The following DCC variants were observed in gnomAD, a reference collection of about 807,000 sequenced individuals.
The protein encoded by DCC is DCC netrin 1 receptor, also known as netrin receptor DCC.
A neutral mutation model predicts 172.5 loss-of-function variants in DCC; 58 were observed. That is an observed-to-expected ratio of 0.34 (90% confidence interval 0.27 to 0.42). DCC has a LOEUF of 0.42. DCC is among the 10% of genes least tolerant of loss of function. The pLI, the probability that DCC is intolerant of heterozygous loss-of-function variation, is 1.00. For missense variants in DCC, 1,740 were observed against 1,791.0 expected, an observed-to-expected ratio of 0.97 and a Z score of 0.51; for synonymous variants, 709 against 644.5, an observed-to-expected ratio of 1.10 and a Z score of -1.52.
chr18:52,821,843 TG>T (rs1422946719), intron 2 of DCC, among the ~76,000 whole-genome samples: 1 of 152,228 alleles, frequency 6.6e-6, no homozygotes, highest in Non-Finnish European at 1.5e-5. Context: ...AAACAGTACT[TG>T]GCATTGACTA....
chr18:53,469,187 A>G (rs529907128), intron 25 of DCC, among the ~76,000 whole-genome samples: 1 of 152,182 alleles, frequency 6.6e-6, no homozygotes. Flanking sequence ...ATAGTCACTT[A>G]TTATCTTCAG....
At chr18:52,845,020 T>C (rs1353709916) in intron 2 of DCC, among the ~76,000 whole-genome samples, 3 of 152,226 alleles carry the variant, frequency 2.0e-5, no homozygotes, top group Non-Finnish European at 2.9e-5. Context: ...CAAAGACCTG[T>C]CCAAGAGGTA....
At chr18:52,683,129 AATT>A (rs539829856) in intron 1 of DCC, among the ~76,000 whole-genome samples, 283 of 152,178 alleles carry the variant, frequency 1.9e-3, no homozygotes, top group African/African-American at 6.5e-3. Context: ...TTTTGAAAAA[AATT>A]CTGAACTAGG....
intron 1 of DCC, among the ~76,000 whole-genome samples, chr18:52,683,403 T>C (rs2035780359): frequency 6.6e-6 from 1 of 152,088 alleles, no homozygotes; most frequent in African/African-American, 2.4e-5. Context: ...TCTTTATTCT[T>C]CTAAATTTCT....
rs78071392 is a variant in DCC, at chr18:53,132,436, G to T, written c.1262-24920G>T. ...CATTTCATCTAGAAAGACATGGGGA[G>T]GGATGCTGATCCACGCTTAAGTCCT... On this transcript the variant is annotated intron_variant, in intron 7 of 28. Coordinates refer to ENST00000442544, the MANE Select transcript of DCC (RefSeq NM_005215.4). 2.6e-5 allele frequency among the ~76,000 whole-genome samples: 4 copies of T among 152,070 alleles called. No individual in the cohort carries two copies. In the East Asian group the frequency reaches 7.8e-4, roughly 29 times the overall value.
At chr18:53,240,572 T>C (rs2056277966) in intron 12 of DCC, among the ~76,000 whole-genome samples, 1 of 152,170 alleles carries the variant, frequency 6.6e-6, no homozygotes, top group Non-Finnish European at 1.5e-5. Flanking sequence ...AGACTCAATA[T>C]TAAGTCCCTC....
chr18:53,484,786 A>T (rs1267417128), intron 25 of DCC, among the ~76,000 whole-genome samples: 1 of 152,042 alleles, frequency 6.6e-6, no homozygotes, highest in African/African-American at 2.4e-5. Flanking sequence ...TTATGGTTTC[A>T]TAGAAATTTT....
At chr18:53,244,712 G>T (rs1277117211) in intron 12 of DCC, among the ~76,000 whole-genome samples, 2 of 152,044 alleles carry the variant, frequency 1.3e-5, no homozygotes, top group Non-Finnish European at 2.9e-5. Flanking sequence ...GATTTCAAGA[G>T]GGAGTGCACC....
At chr18:52,488,005 G>C (rs571194513) in intron 1 of DCC, among the ~76,000 whole-genome samples, 1 of 152,162 alleles carries the variant, frequency 6.6e-6, no homozygotes, top group East Asian at 1.9e-4. Context: ...TGATGGCAAA[G>C]CATGTCATAT....
chr18:52,618,398 T>A (rs930369815), intron 1 of DCC, among the ~76,000 whole-genome samples: 19 of 152,222 alleles, frequency 1.2e-4, no homozygotes, highest in Non-Finnish European at 2.8e-4. Context: ...CTGTCATCTT[T>A]AGCAGCCTCT....
intron 11 of DCC, among the ~76,000 whole-genome samples, chr18:53,208,858 G>A (rs1371657098): frequency 6.6e-6 from 1 of 152,122 alleles, no homozygotes; most frequent in African/African-American, 2.4e-5. Flanking sequence ...AGCCTCCTGA[G>A]TACCTGGGAT....
chr18:52,464,621 G>C (rs188007281), intron 1 of DCC, among the ~76,000 whole-genome samples: 1 of 152,298 alleles, frequency 6.6e-6, no homozygotes, highest in African/African-American at 2.4e-5. Flanking sequence ...ATCAGAAGGT[G>C]CTCAGATCTG....
intron 5 of DCC, among the ~76,000 whole-genome samples, chr18:53,040,448 C>T (rs977016823): frequency 3.4e-4 from 51 of 151,882 alleles, no homozygotes; most frequent in African/African-American, 1.2e-3. Context: ...ATGTGTATTC[C>T]TGAGTTTCAT....
At chr18:53,174,940 A>G (rs542219632) in intron 8 of DCC, among the ~76,000 whole-genome samples, 21 of 152,196 alleles carry the variant, frequency 1.4e-4, no homozygotes, top group Non-Finnish European at 2.4e-4. Context: ...AAATACTGGC[A>G]AAACGAATCC....
intron 2 of DCC, among the ~76,000 whole-genome samples, chr18:52,811,277 A>G (rs934022471): frequency 2.0e-5 from 3 of 152,114 alleles, no homozygotes; most frequent in African/African-American, 7.2e-5. Flanking sequence ...CCTTTTTCTT[A>G]TCACTTTTGG....
chr18:52,416,714 T>C lies in DCC; in HGVS notation c.91+75836T>C, dbSNP rs369242574. On this transcript the variant is annotated intron_variant, in intron 1 of 28. Coordinates refer to ENST00000442544, the MANE Select transcript of DCC (RefSeq NM_005215.4). ...TTGCAACCCCTGCCTTTTTTTGTTT[T>C]CCATTTGCTTGGTAGATCTTCCTCC... is the stretch of plus-strand genomic sequence containing the variant. 1.8e-3 allele frequency among the ~76,000 whole-genome samples: 275 copies of C among 151,998 alleles called. 6 individuals are homozygous for C. In the East Asian group the frequency reaches 0.044, roughly 24 times the overall value.
rs547617202 is a variant in DCC, at chr18:53,394,861, G to C, written c.2689-2447G>C. On this transcript the variant is annotated intron_variant, in intron 17 of 28. Coordinates refer to ENST00000442544, the MANE Select transcript of DCC (RefSeq NM_005215.4). ...TACACACAAGAAAACTAAGGCTCAG[G>C]CTGGGCTCAGTGGTTCACATCTGTA... 2.0e-3 allele frequency among the ~76,000 whole-genome samples: 302 copies of C among 152,242 alleles called. 2 individuals carry two copies. The highest frequency in any genetic ancestry group is 2.0e-3 in the Non-Finnish European group (137 of 68,010).
At chr18:52,455,005 C>T (rs911368982) in intron 1 of DCC, among the ~76,000 whole-genome samples, 1 of 152,098 alleles carries the variant, frequency 6.6e-6, no homozygotes, top group African/African-American at 2.4e-5. Flanking sequence ...ATGTTTTATT[C>T]ATCCTAGTTT....
At chr18:52,692,198 C>G (rs937007291) in intron 1 of DCC, among the ~76,000 whole-genome samples, 1 of 152,102 alleles carries the variant, frequency 6.6e-6, no homozygotes, top group Non-Finnish European at 1.5e-5. Context: ...TAATGATATT[C>G]TTTGACAGGG....
Sources: allele counts gnomAD v4.1 joint callset (sites outside exome capture counted in the v4.1 genomes callset), GRCh38; gene constraint gnomAD v4.1.1; transcripts MANE v1.5; gene names NCBI Gene and HGNC (gene_info 2026-07-23, HGNC 2026-07-21).